ZFHX3: variants seen among roughly 807,000 people sequenced by gnomAD.
ZFHX3 encodes the protein zinc finger homeobox 3.
ZFHX3 carries 42 observed loss-of-function variants against 279.1 expected under a neutral mutation model. That is an observed-to-expected ratio of 0.15 (90% confidence interval 0.12 to 0.19). ZFHX3 has a LOEUF of 0.19. Ranked by LOEUF, ZFHX3 falls within the 10% of genes least tolerant of loss-of-function variation. ZFHX3 has a pLI of 1.00. For missense variants in ZFHX3, 4,981 were observed against 4,754.0 expected (o/e 1.05, Z -1.40); for synonymous variants, 2,293 against 1,957.8 (o/e 1.17, Z -4.52).
intron 1 of ZFHX3, among the ~76,000 whole-genome samples, chr16:73,769,517 A>G (rs1013934185): frequency 2.6e-5 from 4 of 152,330 alleles, no homozygotes; most frequent in African/African-American, 9.6e-5. Context: ...TTTAATAGGA[A>G]TGAGCATCTA....
intron 3 of ZFHX3, among the ~76,000 whole-genome samples, chr16:72,941,642 G>A (rs946521576): frequency 2.0e-5 from 3 of 149,574 alleles, no homozygotes. Flanking sequence ...AACATAGTGA[G>A]ACCCTGTTTC....
chr16:73,031,657 C>T (rs1204024925), intron 1 of ZFHX3, among the ~76,000 whole-genome samples: 1 of 152,176 alleles, frequency 6.6e-6, no homozygotes, highest in Admixed American at 6.5e-5. Context: ...CCCATGATGG[C>T]GTGACTGGAC....
chr16:73,280,969 G>A (rs2014441018), intron 4 of ZFHX3, among the ~76,000 whole-genome samples: 1 of 133,322 alleles, frequency 7.5e-6, no homozygotes, highest in African/African-American at 2.7e-5. Flanking sequence ...TGGGCAACAA[G>A]ACTGAAACTC....
intron 3 of ZFHX3, among the ~76,000 whole-genome samples, chr16:73,453,486 A>T (rs1433104267): frequency 6.6e-6 from 1 of 152,172 alleles, no homozygotes. Flanking sequence ...AAGGACACTC[A>T]AGCTGGTCAC....
Position 72,912,724 on chromosome 16 carries a change from A to G in ZFHX3, c.3217-22762T>C, listed in dbSNP as rs1398992003. On this transcript the variant is annotated intron_variant, in intron 3 of 9. Transcript: ENST00000268489. Reference sequence around the variant, plus strand: ...TCTAAATGAATTAAAGATTTTTATTATTATTTTATTATTATTTTTTAGACA... The same window carrying G: ...TCTAAATGAATTAAAGATTTTTATTGTTATTTTATTATTATTTTTTAGACA... Among the ~76,000 whole-genome samples, 3 of 151,936 alleles carry G rather than the reference A, an allele frequency of 2.0e-5. No homozygotes were observed. The East Asian group carries it at 5.8e-4, about 29-fold the overall frequency.
At chr16:73,789,101 T>A (rs1597116456) in intron 1 of ZFHX3, among the ~76,000 whole-genome samples, 1 of 151,374 alleles carries the variant, frequency 6.6e-6, no homozygotes, top group African/African-American at 2.4e-5. Flanking sequence ...CATATACAGA[T>A]ATCTTGTAGA....
chr16:72,795,769 C>T lies in ZFHX3; in HGVS notation c.6913G>A (p.Gly2305Arg). Reference sequence around the variant, plus strand: ...CGCCGCTCTCCATCTTTGCCCTCTCCCTGATTCTCATAATTCTTCCTGGCC... The same window carrying T: ...CGCCGCTCTCCATCTTTGCCCTCTCTCTGATTCTCATAATTCTTCCTGGCC... ...QKARKNYENQ[G>R]EGKDGERREL... Residue 2305 changes from glycine to arginine, a missense_variant, in exon 9 of 10, where the codon GGA becomes AGA. By Grantham distance (125) the Gly-to-Arg change is moderately radical (BLOSUM62 -2). Transcript: ENST00000268489. The T allele has an allele frequency of 6.2e-7, 1 of 1,614,196 alleles. No individual in the cohort carries two copies. The highest frequency in any genetic ancestry group is 8.5e-7 in the Non-Finnish European group (1 of 1,180,048).
At chr16:73,153,950 C>T (rs1399076338) in intron 5 of ZFHX3, among the ~76,000 whole-genome samples, 3 of 151,850 alleles carry the variant, frequency 2.0e-5, no homozygotes, top group Admixed American at 6.6e-5. Flanking sequence ...ATGATCCGCC[C>T]GCCCCAGCCT....
At chr16:73,093,128 A>T (rs776492612) in intron 8 of ZFHX3, 1 of 520,078 alleles carries the variant, frequency 1.9e-6, no homozygotes, top group Non-Finnish European at 3.8e-6. Flanking sequence ...TGAAAACAAG[A>T]ACAACCCCGA....
chr16:73,772,608 G>A (rs946334505), intron 1 of ZFHX3, among the ~76,000 whole-genome samples: 1 of 152,168 alleles, frequency 6.6e-6, no homozygotes, highest in Non-Finnish European at 1.5e-5. Context: ...TCTGCAGTTA[G>A]CTAGTCTCCT....
chr16:73,532,355 A>T (rs1187440245), intron 2 of ZFHX3, among the ~76,000 whole-genome samples: 1 of 151,864 alleles, frequency 6.6e-6, no homozygotes, highest in Non-Finnish European at 1.5e-5. Context: ...GCCATGTAAG[A>T]CCTTCCTTTG....
rs377341865 is a variant in ZFHX3, at chr16:73,127,748, A to G, written c.-897+3220T>C. Reference sequence around the variant, plus strand: ...TAATGGCTGCAGAGAAAGTTGGACAATGCCTGGTCCTATCACAGACAGAAG... The same window carrying G: ...TAATGGCTGCAGAGAAAGTTGGACAGTGCCTGGTCCTATCACAGACAGAAG... On this transcript the variant is annotated intron_variant, in intron 7 of 17. Transcript: ENST00000641206. 12 of 624,684 alleles carry G rather than the reference A, an allele frequency of 1.9e-5. No homozygotes were observed. In the African/African-American group the frequency reaches 2.3e-4, roughly 12 times the overall value. The allele number at this position is 624,684 out of a possible 1,614,324, so 38.7% of individuals were successfully genotyped here.
At chr16:73,654,346 G>C (rs2052701701) in intron 2 of ZFHX3, among the ~76,000 whole-genome samples, 1 of 152,010 alleles carries the variant, frequency 6.6e-6, no homozygotes, top group African/African-American at 2.4e-5. Flanking sequence ...CCGACAAATA[G>C]AAGTTCAGGT....
intron 1 of ZFHX3, among the ~76,000 whole-genome samples, chr16:73,032,392 A>G (rs2144679077): frequency 1.3e-5 from 2 of 152,332 alleles, no homozygotes; most frequent in South Asian, 4.2e-4. Context: ...CAAGGCATCC[A>G]TTCCTAACTA....
At chr16:73,836,837 G>A (rs1005281009) in intron 1 of ZFHX3, among the ~76,000 whole-genome samples, 1 of 152,174 alleles carries the variant, frequency 6.6e-6, no homozygotes, top group African/African-American at 2.4e-5. Flanking sequence ...TAGGACACTG[G>A]GTTAGTTCTT....
At chr16:73,309,498 T>C (rs2015272871) in intron 4 of ZFHX3, among the ~76,000 whole-genome samples, 2 of 152,172 alleles carry the variant, frequency 1.3e-5, no homozygotes, top group African/African-American at 4.8e-5. Flanking sequence ...GCAAGGAAAC[T>C]AGTCCACAGC....
intron 2 of ZFHX3, chr16:73,483,262 A>G: frequency 2.5e-6 from 1 of 402,242 alleles, no homozygotes; most frequent in Non-Finnish European, 4.8e-6. Context: ...GGCTGCCAGG[A>G]CAAATGCGTA....
chr16:72,923,087 G>A (rs186557388), intron 3 of ZFHX3, among the ~76,000 whole-genome samples: 5 of 152,158 alleles, frequency 3.3e-5, no homozygotes, highest in Admixed American at 2.0e-4. Flanking sequence ...GTGTATCTAT[G>A]TATATGTTGT....
intron 3 of ZFHX3, among the ~76,000 whole-genome samples, chr16:73,448,686 G>A (rs1271103124): frequency 4.0e-4 from 2 of 5,038 alleles, no homozygotes; most frequent in Non-Finnish European, 3.4e-3. Flanking sequence ...ATTTATATAC[G>A]TGTGTGTGTG....
Sources: gnomAD v4.1 joint callset for allele counts (sites outside exome capture counted in the v4.1 genomes callset) on GRCh38, gnomAD v4.1.1 for gene constraint, MANE v1.5 for transcripts, NCBI Gene and HGNC (gene_info 2026-07-23, HGNC 2026-07-21) for gene names.